The following ZNF384 variants were observed in gnomAD, a reference collection of about 807,000 sequenced individuals.
ZNF384 encodes CAG repeat protein 1.
ZNF384 carries 20 observed loss-of-function variants against 65.0 expected under a neutral mutation model. The ratio of observed to expected loss-of-function variants is 0.31; its 90% confidence interval spans 0.22 to 0.45. ZNF384 has a LOEUF of 0.45. Ranked by LOEUF, ZNF384 falls within the 20% of genes least tolerant of loss-of-function variation. ZNF384 has a pLI of 1.00. For synonymous variants in ZNF384, 310 were observed against 303.9 expected, an observed-to-expected ratio of 1.02 and a Z score of -0.21; for missense variants, 549 against 769.4, an observed-to-expected ratio of 0.71 and a Z score of 3.39.
chr12:6,668,844 G>A (rs983144549), intron 11 of ZNF384, among the ~76,000 whole-genome samples, 187 bp downstream of exon 11: 3 of 152,116 alleles, frequency 2.0e-5, no homozygotes, highest in African/African-American at 7.2e-5. Flanking sequence ...TATAGGATTA[G>A]GAGATCAGGC....
intron 7 of ZNF384, among the ~76,000 whole-genome samples, chr12:6,676,349 G>A (rs908807131): frequency 1.3e-5 from 2 of 152,178 alleles, no homozygotes; most frequent in African/African-American, 4.8e-5. Flanking sequence ...AGTTTCTGAA[G>A]AAATTCTGTT....
chr12:6,668,184 C>A (rs1283606088), intron 11 of ZNF384, 69 bp from the exon 12 acceptor site: 2 of 1,438,110 alleles, frequency 1.4e-6, no homozygotes, highest in Non-Finnish European at 1.9e-6. Flanking sequence ...TAACTAGCAC[C>A]CCAGGCTCTG....
At position 6,682,319 on chromosome 12, in the gene ZNF384, C is replaced by CCAAAACAAAACAAAACAAAA. The variant is rs55997836; in HGVS notation, c.-5-2814_-5-2795dup. On this transcript the variant is annotated intron_variant, in intron 2 of 11. Coordinates refer to ENST00000683879, the MANE Select transcript of ZNF384 (RefSeq NM_001385745.1). ...TGGGTAACAGAGCAAGACCCCAACT[C>CCAAAACAAAACAAAACAAAA]CAAAACAAAACAAAACAAAACAAAA... 8.5e-5 allele frequency among the ~76,000 whole-genome samples: 12 copies of CCAAAACAAAACAAAACAAAA among 140,674 alleles called. No individual in the cohort carries two copies. In the South Asian group the frequency reaches 9.7e-4, roughly 11 times the overall value. The allele number at this position is 140,674 out of a possible 152,430, so 92.3% of individuals were successfully genotyped here.
rs898655913 is a variant in ZNF384, at chr12:6,668,794, T to C, written c.1425+237A>G. On this transcript the variant is annotated intron_variant, in intron 11 of 11. Transcript: ENST00000683879. Reference sequence around the variant, plus strand: ...AATTTCAAGTGGCTTTATTTTGCCTTATGTTTAAGTAAAATGAAGAATTAC... The same window carrying C: ...AATTTCAAGTGGCTTTATTTTGCCTCATGTTTAAGTAAAATGAAGAATTAC... 2.0e-4 allele frequency among the ~76,000 whole-genome samples: 31 copies of C among 152,142 alleles called. 1 individual carries two copies. The highest frequency in any genetic ancestry group is 6.5e-5 in the Admixed American group (1 of 15,280).
intron 2 of ZNF384, 66 bp from the exon 3 acceptor site, chr12:6,679,591 A>AG (rs1955116526): frequency 1.5e-6 from 2 of 1,336,752 alleles, no homozygotes; most frequent in Non-Finnish European, 2.1e-6. Flanking sequence ...GCAATGGAGA[A>AG]GGGGAACTGA....
rs757324318 is a variant in ZNF384, at chr12:6,669,062, G to A, written c.1394C>T (p.Thr465Ile). 2 of 1,613,472 alleles carry A rather than the reference G, an allele frequency of 1.2e-6. No homozygotes were observed. Among genetic ancestry groups the A allele is most frequent in the Non-Finnish European group, 1.7e-6 (2 of 1,179,600 alleles). The change falls in exon 11 of 12, where the codon ACC becomes ATC. Residue 465 changes from threonine (T) to isoleucine (I), a missense_variant. Coordinates refer to ENST00000683879, the MANE Select transcript of ZNF384 (RefSeq NM_001385745.1). ...THTVKHAKVY[T>I]CTICSRAYTS... ...GTATGCCCGACTGCAGATAGTGCAG[G>A]TGTACACCTTGGCATGCTTCACTGT...
intron 2 of ZNF384, among the ~76,000 whole-genome samples, chr12:6,682,760 G>C (rs1050317333): frequency 2.0e-5 from 3 of 152,148 alleles, no homozygotes; most frequent in South Asian, 2.1e-4. Flanking sequence ...TTTTGGGAAG[G>C]AGCAATCACA....
At position 6,673,804 on chromosome 12, in the gene ZNF384, T is replaced by G. The variant is rs1272713370; in HGVS notation, c.780-364A>C. 1.3e-5 allele frequency among the ~76,000 whole-genome samples: 2 copies of G among 152,210 alleles called. No homozygotes were observed. The highest frequency in any genetic ancestry group is 4.8e-5 in the African/African-American group (2 of 41,462). On this transcript the variant is annotated intron_variant, in intron 7 of 11. Transcript: ENST00000683879. This position sits in a 1 kb window ranked among gnomAD's most constrained non-coding sequence, Gnocchi z 4.7. The stretch of plus-strand genomic sequence containing the variant: ...TTCAAACATTTAAGGAATTCCTTGC[T>G]CTGATGTTCCTATGTATGAAGCACA...
intron 2 of ZNF384, among the ~76,000 whole-genome samples, chr12:6,686,731 A>G (rs1958061773): frequency 6.6e-6 from 1 of 152,158 alleles, no homozygotes; most frequent in Non-Finnish European, 1.5e-5. Flanking sequence ...CAAAAAAGAG[A>G]AAGAATGAAA....
In ZNF384 at chr12:6,673,180, C is replaced by T. The variant is rs570236467; in HGVS notation, c.1004+36G>A. ...GCAGGCAACATGGTCTTAGGGTTCA[C>T]GGCCAGGTGGTGGGGTAAACCAAGA... On this transcript the variant is annotated intron_variant, in intron 8 of 11. Transcript: ENST00000683879. This position sits in a 1 kb window ranked among gnomAD's most constrained non-coding sequence, Gnocchi z 4.7. 21 of 1,592,028 alleles carry T rather than the reference C, an allele frequency of 1.3e-5. No homozygotes were observed. The highest frequency in any genetic ancestry group is 9.0e-5 in the East Asian group (4 of 44,664).
rs565208014 is a variant in ZNF384 at position 6,678,857 on chromosome 12, C to A, written c.304+89G>T. 2.0e-6 allele frequency: 3 copies of A among 1,479,886 alleles called. No individual in the cohort carries two copies. The highest frequency in any genetic ancestry group is 2.8e-6 in the Non-Finnish European group (3 of 1,066,618). The allele number at this position is 1,479,886 out of a possible 1,614,324, so 91.7% of individuals were successfully genotyped here. The stretch of plus-strand genomic sequence containing the variant: ...TTGATTGAATAATCAAACACATATC[C>A]CACTCCCCATGTCCTTGGAGCCCTC... On this transcript the variant is annotated intron_variant, in intron 4 of 11. Transcript: ENST00000683879. The surrounding 1 kb of genome is among the most constrained non-coding windows in gnomAD (Gnocchi z 4.9).
chr12:6,681,874 G>C (rs913393379), intron 2 of ZNF384, among the ~76,000 whole-genome samples: 25 of 152,118 alleles, frequency 1.6e-4, no homozygotes, highest in African/African-American at 6.0e-4. Flanking sequence ...ACATAAACAG[G>C]CTCGCTATTA....
rs956108933 is a variant in ZNF384, at chr12:6,667,743, T to A, written c.1798A>T (p.Ile600Phe). Residue 600 changes from isoleucine to phenylalanine, a missense_variant, in exon 12 of 12, where the codon ATC (isoleucine) becomes TTC (phenylalanine). By Grantham distance (21) the Ile-to-Phe change is conservative. Transcript: ENST00000683879. The stretch of plus-strand genomic sequence containing the variant: ...GAGCTGGCCAGGTGCTCCACCTGGA[T>A]GGTGCTGGTGGTGACAGTGAGGCAG... ...DICLTVTTST[I>F]QVEHLASS 1 of 1,614,088 alleles carries A rather than the reference T, an allele frequency of 6.2e-7. No homozygotes were observed. The highest frequency in any genetic ancestry group is 8.5e-7 in the Non-Finnish European group (1 of 1,180,044).
At chr12:6,686,714 G>C (rs114936657) in intron 2 of ZNF384, among the ~76,000 whole-genome samples, 1 of 152,148 alleles carries the variant, frequency 6.6e-6, no homozygotes, top group African/African-American at 2.4e-5. Flanking sequence ...ATGAGATAAA[G>C]GCAGCACAAA....
chr12:6,671,405 CCT>C (rs984364202), intron 9 of ZNF384: 2 of 153,116 alleles, frequency 1.3e-5, no homozygotes, highest in African/African-American at 4.8e-5. Flanking sequence ...ACCAATGTGA[CCT>C]CTCTCCCCAA....
rs749679460 is a variant in ZNF384, at chr12:6,678,130, T to C, written c.683A>G (p.Tyr228Cys). 6.2e-7 allele frequency: 1 copy of C among 1,610,414 alleles called. No individual in the cohort carries two copies. The highest frequency in any genetic ancestry group is 1.1e-5 in the South Asian group (1 of 90,846). Residue 228 changes from tyrosine (Y) to cysteine (C), a missense_variant, in exon 6 of 12, where the codon TAC (tyrosine) becomes TGC (cysteine). By Grantham distance (194) the Tyr-to-Cys change is radical (BLOSUM62 -2). Coordinates refer to ENST00000683879, the MANE Select transcript of ZNF384 (RefSeq NM_001385745.1). The surrounding 1 kb of genome is among the most constrained non-coding windows in gnomAD (Gnocchi z 4.9). ...TGCCCCTGGCTCTGAGTCTTACCTGTAGGTCTTGCCGTCTTTCTGATGGTC... is the reference window on the plus strand; with the variant it reads ...TGCCCCTGGCTCTGAGTCTTACCTGCAGGTCTTGCCGTCTTTCTGATGGTC... ...DDDHQKDGKT[Y>C]RSEGNCGTGN...
At chr12:6,685,090 A>G (rs1303628777) in intron 2 of ZNF384, among the ~76,000 whole-genome samples, 1 of 152,170 alleles carries the variant, frequency 6.6e-6, no homozygotes, top group Non-Finnish European at 1.5e-5. Context: ...TGGGAGGCCA[A>G]AGTAAGAGAA....
chr12:6,681,091 T>C (rs541172776), intron 2 of ZNF384, among the ~76,000 whole-genome samples: 1 of 151,876 alleles, frequency 6.6e-6, no homozygotes, highest in Admixed American at 6.6e-5. Context: ...TGGTGGCGCA[T>C]GCCTGTAATC....
Position 6,679,443 on chromosome 12 carries a change from A to C in ZNF384, c.66+12T>G. 6.2e-7 allele frequency: 1 copy of C among 1,613,442 alleles called. No homozygotes were observed. Among genetic ancestry groups the C allele is most frequent in the Non-Finnish European group, 8.5e-7 (1 of 1,179,330 alleles). The stretch of plus-strand genomic sequence containing the variant: ...TGAGACTTGGAGAGAGCAAGAAAGC[A>C]ACACCACTTACCTGACCTGAGACTG... On this transcript the variant is annotated intron_variant, in intron 3 of 11. Coordinates refer to ENST00000683879, the MANE Select transcript of ZNF384 (RefSeq NM_001385745.1).
Sources: gnomAD v4.1 joint callset for allele counts (sites outside exome capture counted in the v4.1 genomes callset) on GRCh38, gnomAD v4.1.1 for gene constraint, Gnocchi (gnomAD v3.1) non-coding constraint, MANE v1.5 for transcripts, NCBI Gene and HGNC (gene_info 2026-07-23, HGNC 2026-07-21) for gene names.